Variants in CLOCK observed in about 807,000 individuals in gnomAD.
The protein encoded by CLOCK is clock circadian regulator.
In CLOCK, 43 loss-of-function variants were observed where a neutral mutation model predicts 118.4. The ratio of observed to expected loss-of-function variants is 0.36; its 90% CI spans 0.28 to 0.47. CLOCK has a LOEUF of 0.47. Among genes scored for constraint, CLOCK ranks in the 20% least tolerant of loss-of-function variants. The pLI is 1.00. For synonymous variants in CLOCK, 326 were observed against 339.2 expected, an observed-to-expected ratio of 0.96 and a Z score of 0.43; for missense variants, 846 against 999.9, an observed-to-expected ratio of 0.85 and a Z score of 2.08.
At chr4:55,494,847 G>C (rs370171698) in intron 2 of CLOCK, among the ~76,000 whole-genome samples, 8 of 152,182 alleles carry the variant, frequency 5.3e-5, no homozygotes, top group African/African-American at 1.9e-4. Flanking sequence ...GAAGCCTCCA[G>C]AGAGAAATGC....
chr4:55,503,644 T>G (rs927710771), intron 2 of CLOCK, among the ~76,000 whole-genome samples: 17 of 151,864 alleles, frequency 1.1e-4, no homozygotes, highest in South Asian at 4.2e-4. Context: ...AGTCCCTTGA[T>G]TTTTTAAATT....
intron 15 of CLOCK, among the ~76,000 whole-genome samples, 180 bp from the exon 16 acceptor site, chr4:55,450,412 T>C (rs1724328684): frequency 6.6e-6 from 1 of 152,208 alleles, no homozygotes; most frequent in Non-Finnish European, 1.5e-5. Flanking sequence ...AAGTTTTGGC[T>C]TCATTTTCTA....
intron 2 of CLOCK, among the ~76,000 whole-genome samples, chr4:55,505,217 C>T (rs901578563): frequency 5.6e-5 from 8 of 143,378 alleles, no homozygotes; most frequent in South Asian, 2.2e-4. Flanking sequence ...CATAATGATA[C>T]GCCACCAAAC....
intron 18 of CLOCK, among the ~76,000 whole-genome samples, chr4:55,445,579 A>ATTTTTTTTTTTTT (rs1191320465): frequency 3.1e-5 from 2 of 65,518 alleles, no homozygotes; most frequent in African/African-American, 5.3e-5. Context: ...CTATTTCTAT[A>ATTTTTTTTTTTTT]TTCTTTTTTT....
At chr4:55,479,124 T>C (rs1726741502) in intron 5 of CLOCK, 161 bp from the exon 6 acceptor site, 2 of 563,562 alleles carry the variant, frequency 3.5e-6, no homozygotes, top group Non-Finnish European at 5.8e-6. Flanking sequence ...TGGGCAATAA[T>C]TTTTCAGCTC....
intron 3 of CLOCK, among the ~76,000 whole-genome samples, chr4:55,484,160 G>A (rs562164819): frequency 6.6e-6 from 1 of 152,102 alleles, no homozygotes; most frequent in Admixed American, 6.6e-5. Flanking sequence ...TATGGCTGCA[G>A]AAGTAGAACT....
rs773452711 is a variant in CLOCK at position 55,435,526 on chromosome 4, C to G, written c.2430G>C (p.Gln810His). ...GGTGATGTGACTGAGGGAAGGTGCTCTGTTGTAGAGGAAATGCAGCAGAGA... is the reference window on the plus strand; with the variant it reads ...GGTGATGTGACTGAGGGAAGGTGCTGTGTTGTAGAGGAAATGCAGCAGAGA... ...LILSAAFPLQ[Q>H]STFPQSHHQQ... The change falls in exon 23 of 23, where the codon CAG becomes CAC. Residue 810 changes from glutamine (Q) to histidine (H), a missense_variant. By Grantham distance (24) the Gln-to-His change is conservative (BLOSUM62 0). Coordinates refer to ENST00000513440, the MANE Select transcript of CLOCK (RefSeq NM_004898.4). 6.2e-7 allele frequency: 1 copy of G among 1,614,010 alleles called. No homozygotes were observed. Among genetic ancestry groups the G allele is most frequent in the South Asian group, 1.1e-5 (1 of 91,070 alleles).
At chr4:55,471,062 C>T (rs1229395252) in intron 7 of CLOCK, among the ~76,000 whole-genome samples, 1 of 152,124 alleles carries the variant, frequency 6.6e-6, no homozygotes. Flanking sequence ...CAATGTTCTA[C>T]CTTCATCACT....
Position 55,433,815 on chromosome 4 carries a change from G to A in CLOCK, c.*1600C>T, listed in dbSNP as rs1028676375. ...ATTGCCAAAGGAAATCTTAGTTCAC[G>A]TTTAGAAGGCATGTGAGTTACAATA... On this transcript the variant is annotated 3_prime_UTR_variant, in exon 23 of 23. Coordinates refer to ENST00000513440, the MANE Select transcript of CLOCK (RefSeq NM_004898.4). The A allele has an allele frequency of 1.3e-5, 2 of 152,096 alleles. No homozygotes were observed. Among genetic ancestry groups the A allele is most frequent in the African/African-American group, 4.8e-5 (2 of 41,418 alleles). 9.4% of individuals were successfully genotyped at this position (152,096 alleles called of 1,614,324 possible).
At chr4:55,505,075 C>T (rs529367852) in intron 2 of CLOCK, among the ~76,000 whole-genome samples, 1 of 151,188 alleles carries the variant, frequency 6.6e-6, no homozygotes, top group African/African-American at 2.4e-5. Context: ...CCCAGCTACT[C>T]AGAAGGCTGA....
intron 9 of CLOCK, among the ~76,000 whole-genome samples, chr4:55,461,449 A>T (rs1402595295): frequency 6.6e-6 from 1 of 152,132 alleles, no homozygotes; most frequent in Non-Finnish European, 1.5e-5. Context: ...ATGAGGCAAA[A>T]CAGCTGTTAC....
intron 17 of CLOCK, among the ~76,000 whole-genome samples, chr4:55,449,089 T>TC: frequency 6.6e-6 from 1 of 152,128 alleles, no homozygotes; most frequent in East Asian, 1.9e-4. Context: ...GAACAAGCTC[T>TC]CAATAAAAGT....
chr4:55,533,586 T>G (rs1282300399), intron 1 of CLOCK, among the ~76,000 whole-genome samples: 2 of 152,236 alleles, frequency 1.3e-5, no homozygotes, highest in East Asian at 1.9e-4. Flanking sequence ...TAAAGATTTT[T>G]GGGATTGTTT....
chr4:55,542,735 G>C (rs753592634), intron 1 of CLOCK, among the ~76,000 whole-genome samples: 2 of 152,044 alleles, frequency 1.3e-5, no homozygotes, highest in Non-Finnish European at 2.9e-5. Context: ...GTCAGTATCA[G>C]TGTCCCTTAG....
chr4:55,447,613 T>C (rs1309492442), intron 18 of CLOCK, among the ~76,000 whole-genome samples: 1 of 152,176 alleles, frequency 6.6e-6, no homozygotes, highest in African/African-American at 2.4e-5. Context: ...ACTAACATTT[T>C]TGACATAGTA....
At chr4:55,519,330 T>A (rs1235543183) in intron 1 of CLOCK, among the ~76,000 whole-genome samples, 1 of 152,190 alleles carries the variant, frequency 6.6e-6, no homozygotes, top group Non-Finnish European at 1.5e-5. Flanking sequence ...GCACTGGGAT[T>A]GTAGGTGCAA....
At chr4:55,460,331 A>G (rs1056608171) in intron 9 of CLOCK, among the ~76,000 whole-genome samples, 1 of 152,156 alleles carries the variant, frequency 6.6e-6, no homozygotes, top group African/African-American at 2.4e-5. Context: ...CAACTCTAGC[A>G]TTTTACGTGA....
intron 2 of CLOCK, among the ~76,000 whole-genome samples, chr4:55,491,575 AAAAATGG>A (rs1180109078): frequency 6.6e-6 from 1 of 152,132 alleles, no homozygotes; most frequent in Non-Finnish European, 1.5e-5. Flanking sequence ...ATAACCTAGA[AAAAATGG>A]ATAAATTCCT....
At chr4:55,537,365 T>C (rs1730970670) in intron 1 of CLOCK, among the ~76,000 whole-genome samples, 2 of 152,124 alleles carry the variant, frequency 1.3e-5, no homozygotes, top group Non-Finnish European at 2.9e-5. Context: ...ACACCTGTAA[T>C]CCTAGCACTT....
Sources: gnomAD v4.1 joint callset for allele counts (sites outside exome capture counted in the v4.1 genomes callset) on GRCh38, gnomAD v4.1.1 for gene constraint, MANE v1.5 for transcripts, NCBI Gene and HGNC (gene_info 2026-07-23, HGNC 2026-07-21) for gene names.